Variants in RBMS3 observed in about 807,000 individuals in gnomAD.
RBMS3 encodes RNA binding motif single stranded interacting protein 3.
In RBMS3, 27 loss-of-function variants were observed where a neutral mutation model predicts 66.8. That is an observed-to-expected ratio of 0.40 (90% CI 0.30 to 0.56). RBMS3 has a LOEUF of 0.56. Among genes scored for constraint, RBMS3 ranks in the 20% least tolerant of loss-of-function variants. The pLI, the probability that RBMS3 is intolerant of heterozygous loss-of-function variation, is 0.40. For synonymous variants in RBMS3, 188 were observed against 183.0 expected (o/e 1.03, Z -0.22); for missense variants, 513 against 549.5 (o/e 0.93, Z 0.66).
At chr3:29,461,404 G>C (rs1223600601) in intron 2 of RBMS3, among the ~76,000 whole-genome samples, 1 of 152,162 alleles carries the variant, frequency 6.6e-6, no homozygotes, top group Admixed American at 6.5e-5. Context: ...CTATGCCATA[G>C]TTCCTCTCTC....
At chr3:29,541,351 T>G (rs1429910407) in intron 3 of RBMS3, among the ~76,000 whole-genome samples, 1 of 152,152 alleles carries the variant, frequency 6.6e-6, no homozygotes, top group Non-Finnish European at 1.5e-5. Flanking sequence ...TCTTGGAAGC[T>G]TTCCTAACTT....
At chr3:29,352,554 A>G (rs1018281740) in intron 1 of RBMS3, among the ~76,000 whole-genome samples, 2 of 152,228 alleles carry the variant, frequency 1.3e-5, no homozygotes, top group South Asian at 2.1e-4. Context: ...TATTTGAGGT[A>G]TCCATCACTT....
chr3:29,652,605 A>G lies in RBMS3; in HGVS notation c.399+65400A>G, dbSNP rs142541275. Among the ~76,000 whole-genome samples the G allele has an allele frequency of 7.9e-5, 12 of 152,210 alleles. No homozygotes were observed. In the East Asian group the frequency reaches 1.7e-3, roughly 22 times the overall value. ...CAGAGACAAAATTAAAATTTCCCAA[A>G]GAAATTTCCTTTTGGAAGTTTCTAA... On this transcript the variant is annotated intron_variant, in intron 4 of 14. Transcript: ENST00000383767.
At chr3:29,404,852 C>T (rs865897490) in intron 1 of RBMS3, among the ~76,000 whole-genome samples, 7 of 151,956 alleles carry the variant, frequency 4.6e-5, no homozygotes, top group Admixed American at 2.0e-4. Context: ...AAGTACATAC[C>T]GAAAATATAG....
At chr3:29,864,886 G>A (rs1012260649) in intron 6 of RBMS3, among the ~76,000 whole-genome samples, 6 of 142,478 alleles carry the variant, frequency 4.2e-5, no homozygotes, top group Non-Finnish European at 4.6e-5. Context: ...AGGGAGGGAG[G>A]AAGGAGGGAA....
At chr3:29,503,381 A>C (rs1206267606) in intron 3 of RBMS3, among the ~76,000 whole-genome samples, 1 of 151,918 alleles carries the variant, frequency 6.6e-6, no homozygotes, top group African/African-American at 2.4e-5. Context: ...GGAAATGTTA[A>C]GCATCTGTGC....
intron 6 of RBMS3, among the ~76,000 whole-genome samples, chr3:29,862,488 A>T (rs1015088415): frequency 2.7e-4 from 41 of 152,154 alleles, no homozygotes; most frequent in African/African-American, 9.7e-4. Flanking sequence ...CTGTCAAAGG[A>T]TTTATTTAAC....
rs1699877897 is a variant in RBMS3, at chr3:30,008,841, A to G, written c.*4979A>G. 1 of 152,102 alleles carries G rather than the reference A, an allele frequency of 6.6e-6. No individual in the cohort carries two copies. Among genetic ancestry groups the G allele is most frequent in the Non-Finnish European group, 1.5e-5 (1 of 67,976 alleles). 9.4% of individuals were successfully genotyped at this position (152,102 alleles called of 1,614,324 possible). Reference sequence around the variant, plus strand: ...TGGTCATGGCTGTCCTTTGCGGATTACATAGCATTCAGGAAAGTACAAAAA... The same window carrying G: ...TGGTCATGGCTGTCCTTTGCGGATTGCATAGCATTCAGGAAAGTACAAAAA... On this transcript the variant is annotated 3_prime_UTR_variant, in exon 15 of 15. Transcript: ENST00000383767.
intron 6 of RBMS3, among the ~76,000 whole-genome samples, chr3:29,801,703 T>C (rs2057397300): frequency 6.6e-6 from 1 of 152,188 alleles, no homozygotes; most frequent in African/African-American, 2.4e-5. Context: ...CTTCTCACTG[T>C]ATTTTTTTTA....
intron 6 of RBMS3, among the ~76,000 whole-genome samples, chr3:29,795,710 A>T (rs1032791122): frequency 9.2e-5 from 14 of 152,202 alleles, no homozygotes; most frequent in Non-Finnish European, 4.4e-5. Context: ...TCCTCTGTAA[A>T]CTGGGAGGAA....
At chr3:29,571,618 G>A (rs1211842562) in intron 3 of RBMS3, among the ~76,000 whole-genome samples, 3 of 151,986 alleles carry the variant, frequency 2.0e-5, no homozygotes, top group Admixed American at 6.6e-5. Flanking sequence ...TTTCTATTAT[G>A]TTCCATTGGC....
At chr3:29,342,351 A>G (rs1202044342) in intron 1 of RBMS3, among the ~76,000 whole-genome samples, 1 of 152,172 alleles carries the variant, frequency 6.6e-6, no homozygotes, top group Admixed American at 6.6e-5. Context: ...AGATAATGGT[A>G]AATCTTTAAT....
At chr3:29,560,311 T>C (rs900788655) in intron 3 of RBMS3, among the ~76,000 whole-genome samples, 8 of 152,230 alleles carry the variant, frequency 5.3e-5, no homozygotes, top group Non-Finnish European at 1.2e-4. Flanking sequence ...GTGGCTATAT[T>C]CCATCCCATT....
intron 3 of RBMS3, among the ~76,000 whole-genome samples, chr3:29,542,180 G>A (rs2045788643): frequency 6.6e-6 from 1 of 152,278 alleles, no homozygotes; most frequent in African/African-American, 2.4e-5. Context: ...TGAGAGAACA[G>A]TGAACAATTA....
intron 4 of RBMS3, among the ~76,000 whole-genome samples, chr3:29,702,889 C>T (rs1189118935): frequency 1.3e-5 from 2 of 152,178 alleles, no homozygotes; most frequent in Non-Finnish European, 2.9e-5. Flanking sequence ...CGGCTTCATT[C>T]TTGAAGTCAG....
At chr3:29,594,722 GT>G (rs763308157) in intron 4 of RBMS3, among the ~76,000 whole-genome samples, 3 of 152,058 alleles carry the variant, frequency 2.0e-5, no homozygotes, top group Admixed American at 1.3e-4. Context: ...ATTTGGCTCA[GT>G]TTTTTTCCTG....
chr3:29,664,188 G>A (rs2050664874), intron 4 of RBMS3, among the ~76,000 whole-genome samples: 1 of 152,058 alleles, frequency 6.6e-6, no homozygotes, highest in East Asian at 1.9e-4. Context: ...TGCATTTGTT[G>A]ATAAAAGTTA....
chr3:29,522,411 C>T (rs536038825), intron 3 of RBMS3, among the ~76,000 whole-genome samples: 40 of 152,108 alleles, frequency 2.6e-4, no homozygotes, highest in Non-Finnish European at 5.9e-4. Flanking sequence ...CCAGGCTGGT[C>T]CTAAACTCCT....
intron 3 of RBMS3, among the ~76,000 whole-genome samples, chr3:29,537,278 T>G (rs575975790): frequency 1.3e-5 from 2 of 152,342 alleles, no homozygotes; most frequent in South Asian, 4.1e-4. Context: ...GGACTCTAAC[T>G]TTGGCCCTAA....
Sources: allele counts gnomAD v4.1 joint callset (sites outside exome capture counted in the v4.1 genomes callset), GRCh38; gene constraint gnomAD v4.1.1; transcripts MANE v1.5; gene names NCBI Gene and HGNC (gene_info 2026-07-23, HGNC 2026-07-21).